The following GALNTL6 variants were observed in gnomAD, a reference collection of about 807,000 sequenced individuals.
GALNTL6 encodes polypeptide N-acetylgalactosaminyltransferase-like 6.
In GALNTL6, 46 loss-of-function variants were observed where a neutral mutation model predicts 73.7. The ratio of observed to expected loss-of-function variants is 0.62; its 90% CI spans 0.49 to 0.80. The LOEUF is 0.80. Among genes scored for constraint, GALNTL6 ranks in the 30% least tolerant of loss-of-function variants. The probability of loss-of-function intolerance (pLI) is 0.00; values close to 1 mark genes in which losing one functional copy is unlikely to be tolerated. For missense variants in GALNTL6, 604 were observed against 755.0 expected (o/e 0.80, Z 2.34); for synonymous variants, 259 against 263.7 (o/e 0.98, Z 0.17).
At chr4:172,407,048 A>C (rs2111335968) in intron 5 of GALNTL6, among the ~76,000 whole-genome samples, 1 of 152,136 alleles carries the variant, frequency 6.6e-6, no homozygotes, top group Non-Finnish European at 1.5e-5. Context: ...TTGTGTGTTT[A>C]AATTTTTATT....
At chr4:172,167,524 A>C (rs1340647447) in intron 2 of GALNTL6, among the ~76,000 whole-genome samples, 1 of 152,258 alleles carries the variant, frequency 6.6e-6, no homozygotes, top group East Asian at 1.9e-4. Flanking sequence ...TGTAAATATG[A>C]AGAATTCAGT....
Position 173,041,357 on chromosome 4 carries a change from C to T in GALNTL6, c.*1257C>T, listed in dbSNP as rs183940191. 6.6e-6 allele frequency: 1 copy of T among 152,010 alleles called. No homozygotes were observed. The highest frequency in any genetic ancestry group is 1.5e-5 in the Non-Finnish European group (1 of 67,994). The allele number at this position is 152,010 out of a possible 1,614,324, so 9.4% of individuals were successfully genotyped here. A position where few individuals can be genotyped will look rare whatever the true frequency, so the allele number is the denominator to read the frequency against. On this transcript the variant is annotated 3_prime_UTR_variant, in exon 13 of 13. Coordinates refer to ENST00000506823, the MANE Select transcript of GALNTL6 (RefSeq NM_001034845.3). The stretch of plus-strand genomic sequence containing the variant: ...AATGCTCCGAAAACTAAATGGAACA[C>T]TTAATCCTTAAAGCAATTTTTTACT...
intron 5 of GALNTL6, among the ~76,000 whole-genome samples, chr4:172,375,211 A>G (rs1742982730): frequency 6.6e-6 from 1 of 152,136 alleles, no homozygotes; most frequent in African/African-American, 2.4e-5. Flanking sequence ...CCTCAATGAA[A>G]AGAAAGCTTG....
At chr4:172,327,305 T>C (rs1578958615) in intron 4 of GALNTL6, among the ~76,000 whole-genome samples, 1 of 152,244 alleles carries the variant, frequency 6.6e-6, no homozygotes, top group East Asian at 1.9e-4. Context: ...CTAAGGACTG[T>C]TTTATGTCTG....
At chr4:173,008,577 C>T (rs974325390) in intron 10 of GALNTL6, among the ~76,000 whole-genome samples, 13 of 152,098 alleles carry the variant, frequency 8.5e-5, no homozygotes, top group Admixed American at 5.9e-4. Context: ...AATGAGGAGA[C>T]GGGAGGAAAC....
At chr4:172,298,804 T>G (rs1274306587) in intron 3 of GALNTL6, among the ~76,000 whole-genome samples, 1 of 152,226 alleles carries the variant, frequency 6.6e-6, no homozygotes, top group East Asian at 1.9e-4. Flanking sequence ...TCGATGTTCA[T>G]GAGGGATATT....
chr4:171,896,040 T>C (rs1389806019), intron 2 of GALNTL6, among the ~76,000 whole-genome samples: 1 of 151,950 alleles, frequency 6.6e-6, no homozygotes, highest in East Asian at 1.9e-4. Flanking sequence ...CCTCCAAATA[T>C]TGTTAGATAC....
chr4:172,959,563 G>A (rs957859807), intron 10 of GALNTL6, among the ~76,000 whole-genome samples: 1 of 151,970 alleles, frequency 6.6e-6, no homozygotes, highest in Non-Finnish European at 1.5e-5. Flanking sequence ...CCTCCACTGT[G>A]AGAGTTACCT....
At chr4:172,776,430 A>G (rs1332871812) in intron 5 of GALNTL6, among the ~76,000 whole-genome samples, 1 of 152,206 alleles carries the variant, frequency 6.6e-6, no homozygotes. Context: ...ACAAGTGTCC[A>G]GTGTTGTGCT....
chr4:172,742,272 T>G (rs1197197267), intron 5 of GALNTL6, among the ~76,000 whole-genome samples: 3 of 152,044 alleles, frequency 2.0e-5, no homozygotes, highest in Middle Eastern at 3.4e-3. Context: ...TCATTAAACT[T>G]TACTATTAAA....
intron 5 of GALNTL6, among the ~76,000 whole-genome samples, chr4:172,786,151 A>G (rs1346683002): frequency 2.0e-5 from 3 of 152,192 alleles, no homozygotes; most frequent in Admixed American, 2.0e-4. Context: ...CTTGAACTCC[A>G]ATTCGCTCTA....
chr4:172,972,437 A>G (rs1047958370), intron 10 of GALNTL6, among the ~76,000 whole-genome samples: 1 of 152,236 alleles, frequency 6.6e-6, no homozygotes, highest in African/African-American at 2.4e-5. Context: ...AAATTAAAGA[A>G]ACAAATACCC....
intron 5 of GALNTL6, among the ~76,000 whole-genome samples, chr4:172,727,925 C>G (rs980439291): frequency 6.7e-6 from 1 of 148,216 alleles, no homozygotes; most frequent in African/African-American, 2.5e-5. Flanking sequence ...TTTCTTTTTT[C>G]TTTTTGAGAC....
Position 172,322,067 on chromosome 4 carries a change from A to G in GALNTL6, c.386+10315A>G, listed in dbSNP as rs531370271. ...AGAAGAACGCCTCAAGTGAGCATTC[A>G]TACAACTCCAGTAAACACACTGCAC... is the stretch of plus-strand genomic sequence containing the variant. On this transcript the variant is annotated intron_variant, in intron 4 of 12. Transcript: ENST00000506823. 1.1e-4 allele frequency among the ~76,000 whole-genome samples: 17 copies of G among 152,296 alleles called. No individual in the cohort carries two copies. In the South Asian group the frequency reaches 2.5e-3, roughly 22 times the overall value.
intron 4 of GALNTL6, among the ~76,000 whole-genome samples, chr4:172,314,416 C>A (rs928169014): frequency 6.6e-6 from 1 of 151,854 alleles, no homozygotes; most frequent in Admixed American, 6.6e-5. Context: ...GCATACTAGC[C>A]GGACTTATGC....
chr4:173,040,066 T>C lies in GALNTL6; in HGVS notation c.1772T>C (p.Val591Ala). 2 of 1,613,118 alleles carry C rather than the reference T, an allele frequency of 1.2e-6. No homozygotes were observed. The highest frequency in any genetic ancestry group is 1.7e-6 in the Non-Finnish European group (2 of 1,179,330). The change falls in exon 13 of 13, where the codon GTT becomes GCT. Residue 591 changes from valine (V) to alanine (A), a missense_variant. By Grantham distance (64) the Val-to-Ala change is moderately conservative (BLOSUM62 0). Coordinates refer to ENST00000506823, the MANE Select transcript of GALNTL6 (RefSeq NM_001034845.3). The stretch of plus-strand genomic sequence containing the variant: ...ATTTTTGAACACATTAATATGACTG[T>C]TTTAGAAAAATTTAACCACCATGCC... ...QWIFEHINMTVLEKFNHHANS is the reference protein window; with the variant it reads ...QWIFEHINMTALEKFNHHANS
chr4:172,801,898 C>T (rs1218372933), intron 5 of GALNTL6, among the ~76,000 whole-genome samples: 2 of 152,146 alleles, frequency 1.3e-5, no homozygotes, highest in Non-Finnish European at 2.9e-5. Context: ...GCCTACCCAA[C>T]ATGATGATAA....
intron 8 of GALNTL6, among the ~76,000 whole-genome samples, chr4:172,916,604 CA>C (rs1418357085): frequency 6.6e-6 from 1 of 152,084 alleles, no homozygotes; most frequent in Non-Finnish European, 1.5e-5. Context: ...ACACCAATAA[CA>C]GACAAACAGA....
chr4:172,684,443 A>G (rs558944906), intron 5 of GALNTL6, among the ~76,000 whole-genome samples: 7 of 152,356 alleles, frequency 4.6e-5, no homozygotes, highest in South Asian at 2.1e-4. Flanking sequence ...ATTTTGTCAT[A>G]TGGATTAAAA....
Sources: gnomAD v4.1 joint callset for allele counts (sites outside exome capture counted in the v4.1 genomes callset) on GRCh38, gnomAD v4.1.1 for gene constraint, MANE v1.5 for transcripts, NCBI Gene and HGNC (gene_info 2026-07-23, HGNC 2026-07-21) for gene names.